The following WSCD2 variants were observed in gnomAD, a reference collection of about 807,000 sequenced individuals.
WSCD2 encodes the protein sialate:O-sulfotransferase 2.
Under a neutral mutation model 55.7 loss-of-function variants are expected in WSCD2, and 28 were observed. That is an observed-to-expected ratio of 0.50 (90% confidence interval 0.37 to 0.69). WSCD2 has a LOEUF of 0.69. Ranked by LOEUF, WSCD2 falls within the 30% of genes least tolerant of loss-of-function variation. The probability of loss-of-function intolerance (pLI) is 0.00; values close to 1 mark genes in which losing one functional copy is unlikely to be tolerated. For synonymous variants in WSCD2, 301 were observed against 301.9 expected, an observed-to-expected ratio of 1.00 and a Z score of 0.03; for missense variants, 616 against 762.1, an observed-to-expected ratio of 0.81 and a Z score of 2.26.
intron 1 of WSCD2, among the ~76,000 whole-genome samples, chr12:108,190,395 G>A (rs1399432958): frequency 6.6e-6 from 1 of 152,016 alleles, no homozygotes; most frequent in Non-Finnish European, 1.5e-5. Context: ...GTTGGTCGCT[G>A]GGCCTGCCCA....
At chr12:108,189,713 G>A (rs1326840801) in intron 1 of WSCD2, 1 of 152,190 alleles carries the variant, frequency 6.6e-6, no homozygotes, top group African/African-American at 2.4e-5. Flanking sequence ...ATAATCATAA[G>A]ATGCTCATAC....
intron 1 of WSCD2, among the ~76,000 whole-genome samples, chr12:108,132,121 G>A (rs113366437): frequency 6.0e-5 from 8 of 134,122 alleles, no homozygotes; most frequent in Non-Finnish European, 1.2e-4. Flanking sequence ...GAATGCAGTG[G>A]ACTGGTCAGT....
intron 1 of WSCD2, among the ~76,000 whole-genome samples, chr12:108,150,674 C>G: frequency 6.6e-6 from 1 of 152,160 alleles, no homozygotes; most frequent in Non-Finnish European, 1.5e-5. Flanking sequence ...GCAGTCGGTG[C>G]TCAGTGTATG....
rs1363838983 is a variant in WSCD2, at chr12:108,210,875, T to C, written c.682+570T>C. 6.6e-6 allele frequency among the ~76,000 whole-genome samples: 1 copy of C among 152,212 alleles called. No individual in the cohort carries two copies. The highest frequency in any genetic ancestry group is 1.5e-5 in the Non-Finnish European group (1 of 68,038). ...TTTCAAAGAGAGAATTCATCCTGGC[T>C]TTTTCAAGCTTCTGGTTTGAGTCTT... On this transcript the variant is annotated intron_variant, in intron 4 of 8. Coordinates refer to ENST00000547525, the MANE Select transcript of WSCD2 (RefSeq NM_014653.4). The surrounding 1 kb of genome is among the most constrained non-coding windows in gnomAD (Gnocchi z 4.3).
chr12:108,134,937 G>A (rs188626511), intron 1 of WSCD2, among the ~76,000 whole-genome samples: 210 of 152,236 alleles, frequency 1.4e-3, no homozygotes, highest in African/African-American at 4.7e-3. Context: ...GTCAGAGACC[G>A]TGTTTTTAAC....
chr12:108,168,003 A>T (rs115117958), intron 1 of WSCD2, among the ~76,000 whole-genome samples: 204 of 152,312 alleles, frequency 1.3e-3, no homozygotes, highest in African/African-American at 4.7e-3. Context: ...TGCTTTTTTC[A>T]AATAAATAAC....
rs1426516244 is a variant in WSCD2, at chr12:108,206,370, C to G, written c.464C>G (p.Thr155Ser). 1 of 1,614,196 alleles carries G rather than the reference C, an allele frequency of 6.2e-7. No homozygotes were observed. The highest frequency in any genetic ancestry group is 1.1e-5 in the South Asian group (1 of 91,086). Residue 155 changes from threonine (T) to serine (S), a missense_variant, in exon 3 of 9, where the codon ACC (threonine) becomes AGC (serine). Thr to Ser is a moderately conservative substitution (Grantham distance 58, BLOSUM62 1). Coordinates refer to ENST00000547525, the MANE Select transcript of WSCD2 (RefSeq NM_014653.4). The part of the protein sequence containing the change: ...GVSFFDYKKM[T>S]IFRCQDNCAE... The stretch of plus-strand genomic sequence containing the variant: ...TCCTTTTTTGACTACAAAAAGATGA[C>G]CATCTTCCGTTGCCAGGACAACTGT...
intron 1 of WSCD2, among the ~76,000 whole-genome samples, chr12:108,145,743 A>C (rs1005261280): frequency 2.0e-5 from 3 of 152,236 alleles, no homozygotes; most frequent in African/African-American, 4.8e-5. Context: ...GGTAGAATAG[A>C]TAAGTAAAAT....
At chr12:108,235,329 G>T (rs1044989713) in intron 7 of WSCD2, among the ~76,000 whole-genome samples, 4 of 152,172 alleles carry the variant, frequency 2.6e-5, no homozygotes, top group Non-Finnish European at 5.9e-5. Flanking sequence ...AAAGGGGGTT[G>T]GTCTCTGACT....
At chr12:108,156,607 G>A (rs775941792) in intron 1 of WSCD2, among the ~76,000 whole-genome samples, 1 of 152,212 alleles carries the variant, frequency 6.6e-6, no homozygotes, top group Non-Finnish European at 1.5e-5. Context: ...TTTCTGCTAA[G>A]GTGGACAGGT....
intron 1 of WSCD2, among the ~76,000 whole-genome samples, chr12:108,177,620 G>C (rs1881065093): frequency 6.6e-6 from 1 of 152,156 alleles, no homozygotes; most frequent in Non-Finnish European, 1.5e-5. Context: ...ACATTGTTCA[G>C]CCATTTATGA....
chr12:108,240,773 G>C (rs984693403), intron 8 of WSCD2, among the ~76,000 whole-genome samples: 6 of 152,154 alleles, frequency 3.9e-5, no homozygotes, highest in African/African-American at 1.2e-4. Context: ...CTGTGAGCCG[G>C]GCTGCTGCAT....
At chr12:108,240,584 T>G in intron 8 of WSCD2, 40 bp downstream of exon 8, 2 of 305,824 alleles carry the variant, frequency 6.5e-6, no homozygotes, top group Non-Finnish European at 6.1e-6. Context: ...GGGAGGGGCT[T>G]CGGGCTGCAG....
At chr12:108,217,029 G>T (rs547307085) in intron 4 of WSCD2, among the ~76,000 whole-genome samples, 5 of 152,364 alleles carry the variant, frequency 3.3e-5, no homozygotes, top group Non-Finnish European at 5.9e-5. Context: ...AAGTGGCATG[G>T]TTTGAGTACT....
At chr12:108,243,590 G>A (rs1422610064) in intron 8 of WSCD2, among the ~76,000 whole-genome samples, 1 of 152,156 alleles carries the variant, frequency 6.6e-6, no homozygotes, top group African/African-American at 2.4e-5. Context: ...CCTAGTTTAA[G>A]AACCATTGCT....
chr12:108,147,810 TCACA>T (rs1213861861), intron 1 of WSCD2, among the ~76,000 whole-genome samples: 2 of 149,970 alleles, frequency 1.3e-5, no homozygotes, highest in Non-Finnish European at 3.0e-5. Context: ...TGAGCTATGA[TCACA>T]CCACTGCACC....
intron 1 of WSCD2, among the ~76,000 whole-genome samples, chr12:108,134,912 C>T (rs1007430260): frequency 2.6e-5 from 4 of 152,168 alleles, no homozygotes; most frequent in African/African-American, 7.2e-5. Flanking sequence ...GGGATTTGCA[C>T]ACAGATCACC....
At chr12:108,233,785 A>G (rs572362265) in intron 7 of WSCD2, among the ~76,000 whole-genome samples, 1 of 152,360 alleles carries the variant, frequency 6.6e-6, no homozygotes. Flanking sequence ...CATGGATGAA[A>G]TGCCCCTTGG....
intron 1 of WSCD2, among the ~76,000 whole-genome samples, chr12:108,187,225 T>C (rs868432004): frequency 1.3e-5 from 2 of 152,362 alleles, no homozygotes; most frequent in African/African-American, 4.8e-5. Context: ...GGTCTGCCTC[T>C]GTAAGCAAGG....
Sources: allele counts gnomAD v4.1 joint callset (sites outside exome capture counted in the v4.1 genomes callset), GRCh38; gene constraint gnomAD v4.1.1; non-coding constraint Gnocchi (gnomAD v3.1); transcripts MANE v1.5; gene names NCBI Gene and HGNC (gene_info 2026-07-23, HGNC 2026-07-21).